Variants in DENND5A observed in about 807,000 individuals in gnomAD.
DENND5A encodes the protein DENN domain containing 5A.
In DENND5A, 64 loss-of-function variants were observed where a neutral mutation model predicts 140.3. The ratio of observed to expected loss-of-function variants is 0.46; its 90% CI spans 0.37 to 0.56. DENND5A has a LOEUF of 0.56. DENND5A is among the 20% of genes least tolerant of loss of function. The pLI is 0.00. For synonymous variants in DENND5A, 605 were observed against 607.7 expected (o/e 1.00, Z 0.07); for missense variants, 1,292 against 1,593.8 (o/e 0.81, Z 3.22).
chr11:9,177,277 G>GAA (rs796879381), intron 8 of DENND5A, among the ~76,000 whole-genome samples: 1 of 129,986 alleles, frequency 7.7e-6, no homozygotes, highest in African/African-American at 2.8e-5. Context: ...AAGAAAGAAA[G>GAA]AAAAAAAAAA....
chr11:9,176,585 G>A (rs1013049847), intron 8 of DENND5A, among the ~76,000 whole-genome samples: 5 of 152,182 alleles, frequency 3.3e-5, no homozygotes, highest in Admixed American at 6.5e-5. Flanking sequence ...TACAATCTCT[G>A]TCCTTAAGCT....
chr11:9,207,157 C>T (rs1428430903), intron 2 of DENND5A: 1 of 451,980 alleles, frequency 2.2e-6, no homozygotes, highest in South Asian at 1.9e-5. Context: ...AAAAACATCA[C>T]AGAAGCATAT....
intron 13 of DENND5A, among the ~76,000 whole-genome samples, chr11:9,151,434 G>A (rs1425627452): frequency 2.0e-5 from 3 of 151,974 alleles, no homozygotes; most frequent in East Asian, 1.9e-4. Flanking sequence ...TCCAGAAAGC[G>A]GGCCAAAAAA....
chr11:9,186,943 G>C (rs1471619141), intron 5 of DENND5A, among the ~76,000 whole-genome samples: 2 of 152,088 alleles, frequency 1.3e-5, no homozygotes, highest in Non-Finnish European at 2.9e-5. Context: ...AATTAGCCAG[G>C]CATTGCGGTG....
chr11:9,184,934 G>A (rs1453940997), intron 5 of DENND5A, among the ~76,000 whole-genome samples: 2 of 152,208 alleles, frequency 1.3e-5, no homozygotes, highest in African/African-American at 2.4e-5. Flanking sequence ...CCTCACGCCT[G>A]TAATCCCAGC....
At chr11:9,149,865 A>G (rs1269907047) in intron 15 of DENND5A, among the ~76,000 whole-genome samples, 1 of 152,204 alleles carries the variant, frequency 6.6e-6, no homozygotes, top group Non-Finnish European at 1.5e-5. Flanking sequence ...AGTTTTGGGC[A>G]TGCAGGTTGA....
chr11:9,194,946 T>C (rs1017853249), intron 4 of DENND5A, among the ~76,000 whole-genome samples: 2 of 150,882 alleles, frequency 1.3e-5, no homozygotes, highest in African/African-American at 4.9e-5. Flanking sequence ...CTCGAACTCC[T>C]AACCTTGTGA....
chr11:9,150,613 A>T (rs1590209515), intron 14 of DENND5A, 67 bp downstream of exon 14: 1 of 1,126,402 alleles, frequency 8.9e-7, no homozygotes, highest in Admixed American at 2.1e-5. Context: ...TGTTACTAAA[A>T]GTGGACACCT....
At chr11:9,234,270 AAGAG>A (rs1256178865) in intron 1 of DENND5A, among the ~76,000 whole-genome samples, 2 of 152,114 alleles carry the variant, frequency 1.3e-5, no homozygotes, top group Non-Finnish European at 2.9e-5. Context: ...TTTCCTAAGA[AAGAG>A]AGATTCAAAA....
At chr11:9,247,352 A>G (rs868132) in intron 1 of DENND5A, among the ~76,000 whole-genome samples, 6,457 of 152,194 alleles carry the variant, frequency 0.042, 460 homozygotes, top group African/African-American at 0.15. Context: ...ATGACTGCAA[A>G]TATCAGTGTA....
intron 11 of DENND5A, among the ~76,000 whole-genome samples, chr11:9,161,861 T>C (rs1847994709): frequency 6.6e-6 from 1 of 151,834 alleles, no homozygotes; most frequent in African/African-American, 2.4e-5. Context: ...ATATTTATAG[T>C]CTAAGTATAG....
At chr11:9,206,331 G>A (rs1334409922) in intron 3 of DENND5A, among the ~76,000 whole-genome samples, 2 of 152,086 alleles carry the variant, frequency 1.3e-5, no homozygotes, top group African/African-American at 4.8e-5. Context: ...AGTGCAGAAT[G>A]AAAGAAAACA....
chr11:9,231,010 C>T (rs1321755804), intron 1 of DENND5A, among the ~76,000 whole-genome samples: 1 of 151,910 alleles, frequency 6.6e-6, no homozygotes, highest in Non-Finnish European at 1.5e-5. Flanking sequence ...CAAAAAAAAC[C>T]CAAAAAACTA....
chr11:9,230,843 AT>A (rs1850740788), intron 1 of DENND5A, among the ~76,000 whole-genome samples: 1 of 151,996 alleles, frequency 6.6e-6, no homozygotes, highest in Non-Finnish European at 1.5e-5. Context: ...AAATAGAAAA[AT>A]TAGGCATGGT....
Position 9,178,149 on chromosome 11 carries a change from G to A in DENND5A, c.1889C>T (p.Thr630Ile). The change falls in exon 8 of 23, where the codon ACC becomes ATC. Residue 630 changes from threonine to isoleucine, a missense_variant. By Grantham distance (89) the Thr-to-Ile change is moderately conservative. Around this residue, in one of 4 missense-constraint regions of DENND5A, gnomAD observed 199 missense variants for 189.1 expected, o/e 1.05. Coordinates refer to ENST00000328194, the MANE Select transcript of DENND5A (RefSeq NM_015213.4). ...GGCCTTACCTGCTTCATCCACAGTG[G>A]TACACTTCTGGTACATGGATGTACG... ...TLRTSMYQKCTTVDEAEKAIE... is the reference protein window; with the variant it reads ...TLRTSMYQKCITVDEAEKAIE... The A allele has an allele frequency of 6.2e-7, 1 of 1,613,330 alleles. No individual in the cohort carries two copies. Among genetic ancestry groups the A allele is most frequent in the Non-Finnish European group, 8.5e-7 (1 of 1,179,256 alleles).
intron 1 of DENND5A, among the ~76,000 whole-genome samples, chr11:9,262,499 A>G (rs1026678180): frequency 2.0e-5 from 3 of 152,184 alleles, no homozygotes; most frequent in Admixed American, 6.6e-5. Flanking sequence ...ATGCAGTTTA[A>G]TGTCATGAGA....
At chr11:9,190,091 G>C (rs568291537) in intron 5 of DENND5A, among the ~76,000 whole-genome samples, 1 of 152,196 alleles carries the variant, frequency 6.6e-6, no homozygotes, top group African/African-American at 2.4e-5. Context: ...CTCTCATTTG[G>C]AATGGCAATA....
rs1368921238 is a variant in DENND5A, at chr11:9,145,019, T to C, written c.3098A>G (p.Asn1033Ser). Residue 1033 changes from asparagine to serine, a missense_variant, in exon 18 of 23, where the codon AAT (asparagine) becomes AGT (serine). Transcript: ENST00000328194. Reference protein sequence around the residue: ...KWLVEYVMVRNEITGHTYKFP... With the variant: ...KWLVEYVMVRSEITGHTYKFP... ...CTTGTAGGTATGTCCTGTGATCTCA[T>C]TCCTGACCATCACATACTCCACCAG... 7 of 1,613,402 alleles carry C rather than the reference T, an allele frequency of 4.3e-6. No homozygotes were observed. Among genetic ancestry groups the C allele is most frequent in the Non-Finnish European group, 5.1e-6 (6 of 1,179,336 alleles).
rs1406579090 is a variant in DENND5A at position 9,178,814 on chromosome 11, C to G, written c.1671+44G>C. On this transcript the variant is annotated intron_variant, in intron 7 of 22. Transcript: ENST00000328194. ...CATTACTTCTTCAAGACATAACTGG[C>G]AAGTTCTCATTCCTCACCACCTCCC... 8.0e-6 allele frequency: 12 copies of G among 1,492,322 alleles called. No individual in the cohort carries two copies. The Middle Eastern group carries it at 1.5e-3, about 191-fold the overall frequency. 92.4% of individuals were successfully genotyped at this position (1,492,322 alleles called of 1,614,324 possible).
Sources: gnomAD v4.1 joint callset for allele counts (sites outside exome capture counted in the v4.1 genomes callset) on GRCh38, gnomAD v4.1.1 for gene constraint, gnomAD v4.1.1 regional missense constraint, MANE v1.5 for transcripts, NCBI Gene and HGNC (gene_info 2026-07-23, HGNC 2026-07-21) for gene names.